The following RNF14 variants were observed in gnomAD, a reference collection of about 807,000 sequenced individuals.
The protein encoded by RNF14 is ring finger protein 14, also known as E3 ubiquitin-protein ligase RNF14.
RNF14 carries 26 observed loss-of-function variants against 52.6 expected under a neutral mutation model. The ratio of observed to expected loss-of-function variants is 0.49; its 90% CI spans 0.36 to 0.69. The LOEUF (loss-of-function observed/expected upper bound fraction) is 0.69, where lower values mean the gene tolerates loss of function less well. RNF14 is among the 30% of genes least tolerant of loss of function. RNF14 has a pLI of 0.00. For missense variants in RNF14, 404 were observed against 560.4 expected (o/e 0.72, Z 2.82); for synonymous variants, 194 against 202.0 (o/e 0.96, Z 0.34).
the RNF14 span, chr5:141,951,470 T>C: frequency 5.7e-6 from 9 of 1,590,404 alleles, no homozygotes; most frequent in Non-Finnish European, 7.8e-6. Context: ...TTGAGATGCC[T>C]GTGGGGGCTA....
At chr5:141,953,937 T>C (rs1753132264), upstream of RNF14, among the ~76,000 whole-genome samples, 1 of 152,156 alleles carries the variant, frequency 6.6e-6, no homozygotes, top group African/African-American at 2.4e-5. Flanking sequence ...TGAAAATATC[T>C]GAGGTTCACA....
At chr5:141,977,439 G>A (rs527442979) in intron 4 of RNF14, among the ~76,000 whole-genome samples, 1 of 152,156 alleles carries the variant, frequency 6.6e-6, no homozygotes, top group Non-Finnish European at 1.5e-5. Flanking sequence ...GCATATTTTT[G>A]GATGTTTACC....
intron 7 of RNF14, among the ~76,000 whole-genome samples, chr5:141,984,544 T>A (rs252098): frequency 1.6e-4 from 24 of 152,150 alleles, no homozygotes; most frequent in African/African-American, 3.6e-4. Flanking sequence ...CCAGTTATAC[T>A]TGTGTGATTT....
chr5:141,978,411 A>C lies in RNF14; in HGVS notation c.415A>C (p.Asn139His). The change falls in exon 5 of 9, where the codon AAT (asparagine) becomes CAT (histidine). Residue 139 changes from asparagine (N) to histidine (H), a missense_variant. By Grantham distance (68) the Asn-to-His change is moderately conservative (BLOSUM62 1). Transcript: ENST00000394520. ...FLKEETLAYL[N>H]IVSPFELKIG... Reference sequence around the variant, plus strand: ...TAAGGAAGAGACCCTAGCATACTTGAATATTGTCTCTCCTTTTGAGCTCAA... The same window carrying C: ...TAAGGAAGAGACCCTAGCATACTTGCATATTGTCTCTCCTTTTGAGCTCAA... 6.2e-7 allele frequency: 1 copy of C among 1,614,162 alleles called. No homozygotes were observed. The highest frequency in any genetic ancestry group is 8.5e-7 in the Non-Finnish European group (1 of 1,180,022).
At chr5:141,965,584 A>G (rs1023882171), upstream of RNF14, among the ~76,000 whole-genome samples, 14 of 152,208 alleles carry the variant, frequency 9.2e-5, no homozygotes, top group African/African-American at 3.4e-4. Context: ...AAAAACCCTT[A>G]TTCTCTGACA....
At chr5:141,983,275 C>T in intron 6 of RNF14, 105 bp from the exon 7 acceptor site, 2 of 900,326 alleles carry the variant, frequency 2.2e-6, no homozygotes, top group Non-Finnish European at 3.3e-6. Flanking sequence ...TGATAAAGTT[C>T]TAGGAATAAC....
upstream of RNF14, chr5:141,956,231 C>T (rs765074227): frequency 3.3e-5 from 54 of 1,614,056 alleles, no homozygotes; most frequent in Non-Finnish European, 4.3e-5. Flanking sequence ...ATGGGTTGCC[C>T]GCTGTCCTCT....
chr5:141,955,216 G>A, upstream of RNF14: 3 of 1,614,240 alleles, frequency 1.9e-6, no homozygotes, highest in Non-Finnish European at 2.5e-6. The surrounding 1 kb of genome is among the most constrained non-coding windows in gnomAD (Gnocchi z 5.5). Flanking sequence ...AACCTTCAGA[G>A]GCCTGGAACG....
At chr5:141,955,392 C>T (rs748934043), upstream of RNF14, 37 of 1,613,820 alleles carry the variant, frequency 2.3e-5, 2 homozygotes, top group South Asian at 2.5e-4. The surrounding 1 kb of genome is among the most constrained non-coding windows in gnomAD (Gnocchi z 5.5). Flanking sequence ...TGTACAGGGT[C>T]GGGGTGAGGT....
rs1363899614 is a variant in RNF14 at position 141,974,848 on chromosome 5, A to G, written c.199A>G (p.Ile67Val). The change falls in exon 4 of 9, where the codon ATT becomes GTT. Residue 67 changes from isoleucine (I) to valine (V), a missense_variant. Ile to Val is a conservative substitution (Grantham distance 29). Coordinates refer to ENST00000394520, the MANE Select transcript of RNF14 (RefSeq NM_004290.5). ...CLQNSGFEYT[I>V]CFLPPLVLNF... ...CCAGAATAGTGGCTTTGAATACACC[A>G]TTTGCTTTCTGCCTCCACTTGTGCT... 3 of 1,613,928 alleles carry G rather than the reference A, an allele frequency of 1.9e-6. No homozygotes were observed. In the Admixed American group the frequency reaches 5.0e-5, roughly 27 times the overall value.
intron 8 of RNF14, among the ~76,000 whole-genome samples, chr5:141,986,088 T>C (rs1304000155): frequency 6.6e-6 from 1 of 152,232 alleles, no homozygotes; most frequent in Non-Finnish European, 1.5e-5. Flanking sequence ...TGTCCCTCAT[T>C]AGTGTGGTGC....
intron 8 of RNF14, among the ~76,000 whole-genome samples, chr5:141,985,714 G>A (rs1002551577): frequency 7.2e-5 from 11 of 152,134 alleles, no homozygotes; most frequent in African/African-American, 1.7e-4. Context: ...CACCACGCCC[G>A]GCTAATTTTT....
chr5:141,954,054 A>G (rs1753135674), upstream of RNF14, among the ~76,000 whole-genome samples: 1 of 152,210 alleles, frequency 6.6e-6, no homozygotes, highest in Non-Finnish European at 1.5e-5. Flanking sequence ...CATCCCATTT[A>G]GCCCTCACAC....
intron 7 of RNF14, among the ~76,000 whole-genome samples, 170 bp from the exon 8 acceptor site, chr5:141,984,633 A>G (rs1755079027): frequency 6.6e-6 from 1 of 152,202 alleles, no homozygotes; most frequent in African/African-American, 2.4e-5. Context: ...TTTTACTTCT[A>G]ATGCAAAATA....
intron 7 of RNF14, 137 bp downstream of exon 7, chr5:141,983,689 A>G: frequency 2.8e-6 from 2 of 703,644 alleles, no homozygotes; most frequent in East Asian, 5.6e-5. Context: ...TGGAAGGTGG[A>G]AATTTCACTA....
upstream of RNF14, chr5:141,957,143 A>T (rs1396778466): frequency 1.2e-6 from 2 of 1,614,160 alleles, no homozygotes; most frequent in East Asian, 2.2e-5. The surrounding 1 kb of genome is among the most constrained non-coding windows in gnomAD (Gnocchi z 4.3). Flanking sequence ...TTGTCATTGG[A>T]GTCCAAGACG....
chr5:141,977,530 G>GAAAAT, intron 4 of RNF14, among the ~76,000 whole-genome samples: 1 of 152,328 alleles, frequency 6.6e-6, no homozygotes, highest in East Asian at 1.9e-4. Context: ...TCCAACATTT[G>GAAAAT]CCTTTCAAAT....
At chr5:141,956,726 C>T, upstream of RNF14, 1 of 1,614,264 alleles carries the variant, frequency 6.2e-7, no homozygotes, top group Non-Finnish European at 8.5e-7. Flanking sequence ...TCTGCCATGA[C>T]AAGAGCAATA....
chr5:141,951,416 T>A, the RNF14 span: 8 of 1,077,424 alleles, frequency 7.4e-6, no homozygotes, highest in Non-Finnish European at 1.2e-5. Context: ...TCACCCTTCC[T>A]CACTCACAGA....
Sources: allele counts gnomAD v4.1 joint callset (sites outside exome capture counted in the v4.1 genomes callset), GRCh38; gene constraint gnomAD v4.1.1; non-coding constraint Gnocchi (gnomAD v3.1); transcripts MANE v1.5; gene names NCBI Gene and HGNC (gene_info 2026-07-23, HGNC 2026-07-21).